Variants in LRP2 observed in about 807,000 individuals in gnomAD.
LRP2 encodes the protein LDL receptor related protein 2, also known as low-density lipoprotein receptor-related protein 2.
LRP2 carries 172 observed loss-of-function variants against 531.0 expected under a neutral mutation model. That is an observed-to-expected ratio of 0.32 (90% CI 0.29 to 0.37). LRP2 has a LOEUF of 0.37. LRP2 is among the 10% of genes least tolerant of loss of function. The pLI, the probability that LRP2 is intolerant of heterozygous loss-of-function variation, is 1.00. For missense variants in LRP2, 5,167 were observed against 5,868.3 expected, an observed-to-expected ratio of 0.88 and a Z score of 3.90; for synonymous variants, 1,992 against 2,027.6, an observed-to-expected ratio of 0.98 and a Z score of 0.47.
Position 169,185,931 on chromosome 2 carries a change from A to C in LRP2, c.9417T>G (p.Pro3139=). 6.2e-7 allele frequency: 1 copy of C among 1,614,024 alleles called. No individual in the cohort carries two copies. Among genetic ancestry groups the C allele is most frequent in the Non-Finnish European group, 8.5e-7 (1 of 1,179,976 alleles). ...GCTTGTCAGACATGAGCTTGTAACC[A>C]GGACGACAGGAACAATAGAAACTGG... ...TLTSFYCSCR[P]GYKLMSDKRT... Residue 3139 remains proline (P), a synonymous_variant, in exon 50 of 79, where the codon CCT becomes CCG. Coordinates refer to ENST00000649046, the MANE Select transcript of LRP2 (RefSeq NM_004525.3).
intron 70 of LRP2, among the ~76,000 whole-genome samples, chr2:169,143,052 G>A (rs547446893): frequency 2.0e-4 from 30 of 152,214 alleles, no homozygotes; most frequent in African/African-American, 7.0e-4. Context: ...TATCTTCTCT[G>A]CTGCCCTGAG....
intron 70 of LRP2, among the ~76,000 whole-genome samples, chr2:169,144,684 C>T (rs1685845618): frequency 6.6e-6 from 1 of 152,282 alleles, no homozygotes; most frequent in African/African-American, 2.4e-5. Flanking sequence ...ACAAGGAAGC[C>T]ATGCCCTAGA....
chr2:169,192,081 G>A, intron 47 of LRP2, 48 bp from the exon 48 acceptor site: 1 of 1,460,680 alleles, frequency 6.8e-7, no homozygotes, highest in Non-Finnish European at 9.5e-7. Context: ...GCTCAGTGCA[G>A]CAGTTAATTC....
chr2:169,258,914 A>G (rs1325337210), intron 17 of LRP2, 111 bp downstream of exon 17: 2 of 959,324 alleles, frequency 2.1e-6, no homozygotes, highest in African/African-American at 3.3e-5. Flanking sequence ...TTCAACTTAT[A>G]CAGTTCAATC....
At chr2:169,145,668 T>A in intron 70 of LRP2, 79 bp downstream of exon 70, 4 of 1,388,266 alleles carry the variant, frequency 2.9e-6, no homozygotes, top group Non-Finnish European at 3.1e-6. Context: ...TCTACTGCCA[T>A]CTTCCAGCAA....
intron 50 of LRP2, 61 bp downstream of exon 50, chr2:169,185,442 G>T: frequency 6.5e-7 from 1 of 1,545,726 alleles, no homozygotes; most frequent in Non-Finnish European, 8.8e-7. Flanking sequence ...CTATCAAGAT[G>T]AAAACATGGT....
chr2:169,311,851 C>A (rs1346024461), intron 3 of LRP2, among the ~76,000 whole-genome samples: 1 of 152,050 alleles, frequency 6.6e-6, no homozygotes, highest in Admixed American at 6.5e-5. Context: ...CTTTGTAGGT[C>A]TCTAAGGACT....
chr2:169,313,549 A>T (rs762959611), intron 3 of LRP2, among the ~76,000 whole-genome samples: 1 of 152,142 alleles, frequency 6.6e-6, no homozygotes, highest in Non-Finnish European at 1.5e-5. Context: ...AGCAAATGTT[A>T]CTTCCTGATC....
rs142613924 is a variant in LRP2 at position 169,169,722 on chromosome 2, G to A, written c.11477C>T (p.Ala3826Val). 39 of 1,613,900 alleles carry A rather than the reference G, an allele frequency of 2.4e-5. No individual in the cohort carries two copies. The highest frequency in any genetic ancestry group is 5.0e-5 in the Admixed American group (3 of 60,020). ...KCDGSADCLD[A>V]SDEADCPTRF... ...CTTACGACAATCAGCTTCATCAGAC[G>A]CATCCAAACAGTCAGCGGATCCATC... Residue 3826 changes from alanine (A) to valine (V), a missense_variant, in exon 60 of 79, where the codon GCG becomes GTG. Around this residue, in one of 6 missense-constraint regions of LRP2, gnomAD observed 564 missense variants for 747.7 expected, o/e 0.75. Coordinates refer to ENST00000649046, the MANE Select transcript of LRP2 (RefSeq NM_004525.3).
chr2:169,315,238 A>G (rs1684727459), intron 3 of LRP2, among the ~76,000 whole-genome samples: 1 of 152,244 alleles, frequency 6.6e-6, no homozygotes, highest in Non-Finnish European at 1.5e-5. Context: ...CTGCAAATGA[A>G]TAAGGCACAA....
At chr2:169,296,114 T>A (rs894651667) in intron 4 of LRP2, among the ~76,000 whole-genome samples, 2 of 152,102 alleles carry the variant, frequency 1.3e-5, no homozygotes, top group Non-Finnish European at 2.9e-5. Context: ...GTTAACAACT[T>A]GCACTTTTTA....
intron 59 of LRP2, among the ~76,000 whole-genome samples, chr2:169,170,253 T>A (rs1686945330): frequency 6.6e-6 from 1 of 152,178 alleles, no homozygotes; most frequent in African/African-American, 2.4e-5. Context: ...AGTAGCAAGA[T>A]CAATGTCTTT....
At chr2:169,305,345 A>C (rs1684387247) in intron 4 of LRP2, among the ~76,000 whole-genome samples, 1 of 152,216 alleles carries the variant, frequency 6.6e-6, no homozygotes, top group African/African-American at 2.4e-5. Context: ...CAGTGACTAG[A>C]AACAATTTGC....
chr2:169,247,882 C>T lies in LRP2; in HGVS notation c.2771-367G>A, dbSNP rs553468746. Among the ~76,000 whole-genome samples, 6 of 152,312 alleles carry T rather than the reference C, an allele frequency of 3.9e-5. No individual in the cohort carries two copies. The East Asian group carries it at 1.2e-3, about 29-fold the overall frequency. ...CTGCACCCGCTAAAGCACTCACCTGCTGAGTGCTCTTAGGCAAATACTACG... is the reference window on the plus strand; with the variant it reads ...CTGCACCCGCTAAAGCACTCACCTGTTGAGTGCTCTTAGGCAAATACTACG... On this transcript the variant is annotated intron_variant, in intron 19 of 78. Transcript: ENST00000649046.
rs772294760 is a variant in LRP2 at position 169,320,883 on chromosome 2, T to A, written c.81A>T (p.Glu27Asp). The change falls in exon 2 of 79, where the codon GAA becomes GAT. Residue 27 changes from glutamate to aspartate, a missense_variant and splice_region_variant. Around this residue, in one of 6 missense-constraint regions of LRP2, gnomAD observed 2,811 missense variants for 3,058.0 expected, o/e 0.92. Transcript: ENST00000649046. Reference protein sequence around the residue: ...VACLAPASGQECDSAHFRCGS... With the variant: ...VACLAPASGQDCDSAHFRCGS... ...CACAGCGAAAATGCGCACTGTCACA[T>A]TCTGCAATAATAGACAGAAATTTTA... 2 of 1,608,592 alleles carry A rather than the reference T, an allele frequency of 1.2e-6. No individual in the cohort carries two copies. The highest frequency in any genetic ancestry group is 2.7e-5 in the African/African-American group (2 of 74,932).
At chr2:169,343,608 C>G (rs1388244679) in intron 1 of LRP2, among the ~76,000 whole-genome samples, 1 of 152,136 alleles carries the variant, frequency 6.6e-6, no homozygotes, top group Non-Finnish European at 1.5e-5. Context: ...ATTGTATAGT[C>G]CAGGAAACTG....
intron 10 of LRP2, 39 bp from the exon 11 acceptor site, chr2:169,280,558 T>C (rs1683676171): frequency 3.8e-6 from 6 of 1,595,976 alleles, no homozygotes; most frequent in Non-Finnish European, 5.2e-6. Flanking sequence ...CTCCTTCAGA[T>C]GAGCAAGGAT....
rs756250663 is a variant in LRP2 at position 169,157,397 on chromosome 2, T to C, written c.11993A>G (p.Asn3998Ser). ...TAGACAGGAGGTTCTGTCAAAAACA[T>C]TGGTTTCGAACCCAGCTGTACAGGA... Reference protein sequence around the residue: ...ICSCTAGFETNVFDRTSCLDI... With the variant: ...ICSCTAGFETSVFDRTSCLDI... The change falls in exon 64 of 79, where the codon AAT becomes AGT. Residue 3998 changes from asparagine to serine, a missense_variant. Coordinates refer to ENST00000649046, the MANE Select transcript of LRP2 (RefSeq NM_004525.3). The C allele has an allele frequency of 1.9e-6, 3 of 1,613,380 alleles. No homozygotes were observed. Among genetic ancestry groups the C allele is most frequent in the East Asian group, 4.5e-5 (2 of 44,836 alleles).
chr2:169,244,328 A>T (rs183287943), intron 22 of LRP2, among the ~76,000 whole-genome samples: 1 of 152,238 alleles, frequency 6.6e-6, no homozygotes, highest in African/African-American at 2.4e-5. Context: ...ATGAAAAAGA[A>T]ACATCAATAG....
Sources: allele counts gnomAD v4.1 joint callset (sites outside exome capture counted in the v4.1 genomes callset), GRCh38; gene constraint gnomAD v4.1.1; regional missense constraint gnomAD v4.1.1; transcripts MANE v1.5; gene names NCBI Gene and HGNC (gene_info 2026-07-23, HGNC 2026-07-21).